The following CREBBP variants were observed in gnomAD, a reference collection of about 807,000 sequenced individuals.
The protein encoded by CREBBP is CREB-binding protein.
Under a neutral mutation model 265.0 loss-of-function variants are expected in CREBBP, and 19 were observed. That is an observed-to-expected ratio of 0.07 (90% CI 0.05 to 0.11). The LOEUF (loss-of-function observed/expected upper bound fraction) is 0.11. Ranked by LOEUF, CREBBP falls within the 10% of genes least tolerant of loss-of-function variation. CREBBP has a pLI of 1.00. For synonymous variants in CREBBP, 1,457 were observed against 1,223.7 expected (o/e 1.19, Z -3.98); for missense variants, 2,525 against 3,219.0 (o/e 0.78, Z 5.22).
At chr16:3,749,945 G>A (rs111944515) in intron 20 of CREBBP, among the ~76,000 whole-genome samples, 335 of 152,278 alleles carry the variant, frequency 2.2e-3, no homozygotes, top group African/African-American at 6.9e-3. Context: ...CTGTTGCCCA[G>A]GCTGGAGTGC....
At chr16:3,786,462 TA>T (rs950866104) in intron 5 of CREBBP, among the ~76,000 whole-genome samples, 2 of 152,202 alleles carry the variant, frequency 1.3e-5, no homozygotes, top group Admixed American at 1.3e-4. Context: ...CTTAAGCCCC[TA>T]ATCATCCTCA....
In CREBBP at chr16:3,801,970, C is replaced by T. The variant is rs1436040204; in HGVS notation, c.976-8344G>A. ...ACAAAGCTCACTGAGCCCACTCACC[C>T]CACCCATCATCTTCACTCGGTTTAG... On this transcript the variant is annotated intron_variant, in intron 3 of 30. Coordinates refer to ENST00000262367, the MANE Select transcript of CREBBP (RefSeq NM_004380.3). 2.0e-5 allele frequency among the ~76,000 whole-genome samples: 3 copies of T among 152,140 alleles called. No individual in the cohort carries two copies. In the East Asian group the frequency reaches 5.8e-4, roughly 29 times the overall value.
chr16:3,877,224 A>G lies in CREBBP; in HGVS notation c.85+2608T>C, dbSNP rs1056230114. ...CTCAGAGACACATCCCGTCACTAAAATAAGATTGAGTTCCTCAAGAATGTT... is the reference window on the plus strand; with the variant it reads ...CTCAGAGACACATCCCGTCACTAAAGTAAGATTGAGTTCCTCAAGAATGTT... On this transcript the variant is annotated intron_variant, in intron 1 of 30. Coordinates refer to ENST00000262367, the MANE Select transcript of CREBBP (RefSeq NM_004380.3). Among the ~76,000 whole-genome samples, 4 of 152,328 alleles carry G rather than the reference A, an allele frequency of 2.6e-5. No individual in the cohort carries two copies. In the East Asian group the frequency reaches 5.8e-4, roughly 22 times the overall value.
rs2151312500 is a variant in CREBBP at position 3,729,836 on chromosome 16, G to A, written c.5211C>T (p.Ser1737=). 6.2e-7 allele frequency: 1 copy of A among 1,604,072 alleles called. No individual in the cohort carries two copies. Among genetic ancestry groups the A allele is most frequent in the Non-Finnish European group, 8.5e-7 (1 of 1,179,958 alleles). The part of the protein sequence containing the change: ...DLCINCYNTK[S]HAHKMVKWGL... ...CCCACTTCACCATCTTATGGGCATGGCTCTTCGTGTTATAGCAGTTGATGC... is the reference window on the plus strand; with the variant it reads ...CCCACTTCACCATCTTATGGGCATGACTCTTCGTGTTATAGCAGTTGATGC... Residue 1737 remains serine (S), a synonymous_variant, in exon 31 of 31, where the codon AGC becomes AGT. Transcript: ENST00000262367.
rs2151304577 is a variant in CREBBP, at chr16:3,728,703, A to G, written c.6344T>C (p.Met2115Thr). 6.2e-7 allele frequency: 1 copy of G among 1,613,952 alleles called. No homozygotes were observed. Among genetic ancestry groups the G allele is most frequent in the South Asian group, 1.1e-5 (1 of 91,088 alleles). ...TAKYVANQPG[M>T]QPQPGLQSQP... Reference sequence around the variant, plus strand: ...GGACTGGAGGCCAGGCTGGGGCTGCATGCCGGGCTGATTGGCCACGTACTT... The same window carrying G: ...GGACTGGAGGCCAGGCTGGGGCTGCGTGCCGGGCTGATTGGCCACGTACTT... The change falls in exon 31 of 31, where the codon ATG (methionine) becomes ACG (threonine). Residue 2115 changes from methionine to threonine, a missense_variant. By Grantham distance (81) the Met-to-Thr change is moderately conservative. Transcript: ENST00000262367. This position sits in a 1 kb window ranked among gnomAD's most constrained non-coding sequence, Gnocchi z 8.7.
intron 2 of CREBBP, among the ~76,000 whole-genome samples, chr16:3,811,735 C>T (rs758471141): frequency 6.6e-6 from 1 of 152,150 alleles, no homozygotes; most frequent in Non-Finnish European, 1.5e-5. Flanking sequence ...CTCAGGTGAT[C>T]CATCCACCTT....
intron 1 of CREBBP, among the ~76,000 whole-genome samples, chr16:3,863,418 C>T (rs1020397821): frequency 7.9e-5 from 12 of 152,118 alleles, no homozygotes; most frequent in Admixed American, 5.9e-4. Context: ...GTCTGGCCAA[C>T]ATGGTGAAAC....
intron 13 of CREBBP, among the ~76,000 whole-genome samples, chr16:3,772,702 A>C (rs142401722): frequency 2.0e-5 from 3 of 152,200 alleles, no homozygotes; most frequent in Admixed American, 6.6e-5. Flanking sequence ...AATGTTATGG[A>C]AAGTTAAGAA....
intron 1 of CREBBP, among the ~76,000 whole-genome samples, chr16:3,871,585 A>G (rs577222081): frequency 3.3e-5 from 5 of 152,320 alleles, no homozygotes; most frequent in African/African-American, 1.2e-4. Context: ...CCTTATTTAA[A>G]TGTTGTACAA....
intron 8 of CREBBP, among the ~76,000 whole-genome samples, chr16:3,779,308 G>C (rs960291481): frequency 2.6e-5 from 4 of 152,082 alleles, no homozygotes; most frequent in South Asian, 2.1e-4. Flanking sequence ...AAGTAAGCTG[G>C]GAAGTACAGG....
chr16:3,777,753 C>T (rs1452625833), intron 10 of CREBBP, 96 bp from the exon 11 acceptor site: 2 of 1,458,180 alleles, frequency 1.4e-6, no homozygotes, highest in African/African-American at 1.4e-5. Context: ...GGACTTCAAA[C>T]TTAAAAGGGA....
At chr16:3,758,134 T>C (rs1471458230) in intron 17 of CREBBP, 86 bp from the exon 18 acceptor site, 100 of 1,446,590 alleles carry the variant, frequency 6.9e-5, no homozygotes, top group Admixed American at 2.1e-4. Context: ...TTTAAAATAA[T>C]AGAAACAGAA....
Position 3,814,722 on chromosome 16 carries a change from T to G in CREBBP, c.799-3943A>C, listed in dbSNP as rs554829159. Among the ~76,000 whole-genome samples the G allele has an allele frequency of 8.5e-5, 13 of 152,118 alleles. No homozygotes were observed. In the South Asian group the frequency reaches 2.5e-3, roughly 29 times the overall value. ...CTCACAAGGTAAAAAAGATGGCAAG[T>G]CAAAGATCATGAACGGTATGTAAGG... On this transcript the variant is annotated intron_variant, in intron 2 of 30. Transcript: ENST00000262367.
chr16:3,754,823 T>G (rs958305126), intron 19 of CREBBP, among the ~76,000 whole-genome samples: 4 of 152,334 alleles, frequency 2.6e-5, no homozygotes, highest in African/African-American at 9.6e-5. Flanking sequence ...TTTTTTATTG[T>G]TCTAAGTGCC....
At position 3,745,350 on chromosome 16, in the gene CREBBP, C is replaced by A. The variant is rs201874248; in HGVS notation, c.3841G>T (p.Val1281Phe). 2 of 1,613,976 alleles carry A rather than the reference C, an allele frequency of 1.2e-6. No homozygotes were observed. Among genetic ancestry groups the A allele is most frequent in the South Asian group, 1.1e-5 (1 of 91,042 alleles). The stretch of plus-strand genomic sequence containing the variant: ...TTCCGGCCACACTCCTTGCAATCAA[C>A]GAAACTAGGAGGCAAAGAAGGCGCA... ...KNDTLDPEPF[V>F]DCKECGRKMH... The change falls in exon 22 of 31, where the codon GTT (valine) becomes TTT (phenylalanine). Residue 1281 changes from valine (V) to phenylalanine (F), a missense_variant. Coordinates refer to ENST00000262367, the MANE Select transcript of CREBBP (RefSeq NM_004380.3).
At chr16:3,867,487 G>A (rs1036065139) in intron 1 of CREBBP, among the ~76,000 whole-genome samples, 1 of 151,884 alleles carries the variant, frequency 6.6e-6, no homozygotes, top group African/African-American at 2.4e-5. Context: ...GCAAGACTCC[G>A]TCTCAAACAA....
chr16:3,769,284 T>A lies in CREBBP; in HGVS notation c.2950A>T (p.Asn984Tyr), dbSNP rs140406003. ...ACGTCAGGTCCTGGCTGCTGGGAAT[T>A]GGTTTCTGCGCTGGCCACCGAGGAG... is the stretch of plus-strand genomic sequence containing the variant. ...TPSSVASAET[N>Y]SQQPGPDVPV... Residue 984 changes from asparagine (N) to tyrosine (Y), a missense_variant, in exon 15 of 31, where the codon AAT becomes TAT. By Grantham distance (143) the Asn-to-Tyr change is moderately radical (BLOSUM62 -2). Transcript: ENST00000262367. 126 of 1,614,158 alleles carry A rather than the reference T, an allele frequency of 7.8e-5. No individual in the cohort carries two copies. The African/African-American group carries it at 1.6e-3, about 21-fold the overall frequency.
chr16:3,876,377 C>T (rs114269965), intron 1 of CREBBP, among the ~76,000 whole-genome samples: 655 of 47,516 alleles, frequency 0.014, 8 homozygotes, highest in African/African-American at 0.05. Context: ...CTGTTGTGTG[C>T]AAATTTTGCA....
chr16:3,768,927 A>C (rs1410647288), intron 15 of CREBBP, among the ~76,000 whole-genome samples: 1 of 152,200 alleles, frequency 6.6e-6, no homozygotes, highest in Non-Finnish European at 1.5e-5. Context: ...CTGTTGGATG[A>C]TTCAAGTATT....
Sources: allele counts gnomAD v4.1 joint callset (sites outside exome capture counted in the v4.1 genomes callset), GRCh38; gene constraint gnomAD v4.1.1; non-coding constraint Gnocchi (gnomAD v3.1); transcripts MANE v1.5; gene names NCBI Gene and HGNC (gene_info 2026-07-23, HGNC 2026-07-21).